ASTN2: variants seen among roughly 807,000 people sequenced by gnomAD.
ASTN2 encodes the protein astrotactin 2.
Under a neutral mutation model 139.8 loss-of-function variants are expected in ASTN2, and 54 were observed. The ratio of observed to expected loss-of-function variants is 0.39; its 90% CI spans 0.31 to 0.48. ASTN2 has a LOEUF of 0.48. Ranked by LOEUF, ASTN2 falls within the 20% of genes least tolerant of loss-of-function variation. ASTN2 has a pLI of 0.95. For synonymous variants in ASTN2, 756 were observed against 719.5 expected (o/e 1.05, Z -0.81); for missense variants, 1,565 against 1,725.1 (o/e 0.91, Z 1.64).
chr9:117,346,616 C>A (rs967897915), intron 1 of ASTN2, among the ~76,000 whole-genome samples: 3 of 152,104 alleles, frequency 2.0e-5, no homozygotes, highest in African/African-American at 7.2e-5. Flanking sequence ...CATCGTTTAG[C>A]AGAAATAAGC....
intron 2 of ASTN2, among the ~76,000 whole-genome samples, chr9:117,262,421 T>TTTA: frequency 7.1e-6 from 1 of 140,594 alleles, no homozygotes; most frequent in East Asian, 2.1e-4. Flanking sequence ...TTATTTATTT[T>TTTA]TTATCTCCTT....
chr9:116,905,263 G>A (rs567739210), intron 10 of ASTN2, among the ~76,000 whole-genome samples: 1 of 152,236 alleles, frequency 6.6e-6, no homozygotes, highest in African/African-American at 2.4e-5. Context: ...ATGCTGCCAG[G>A]AGCCACCAGC....
chr9:116,633,957 T>C (rs1297531095), intron 17 of ASTN2, among the ~76,000 whole-genome samples: 1 of 152,160 alleles, frequency 6.6e-6, no homozygotes, highest in East Asian at 1.9e-4. Context: ...CTGAAAAGTC[T>C]AGATCATTTA....
chr9:116,663,989 A>G (rs1191592002), intron 16 of ASTN2, among the ~76,000 whole-genome samples: 2 of 152,164 alleles, frequency 1.3e-5, no homozygotes, highest in Non-Finnish European at 2.9e-5. Context: ...AAGTTCAGGC[A>G]GTTATAAATT....
intron 16 of ASTN2, among the ~76,000 whole-genome samples, chr9:116,695,530 G>C (rs1588211585): frequency 6.6e-6 from 1 of 152,228 alleles, no homozygotes; most frequent in Non-Finnish European, 1.5e-5. Context: ...CCTGGAGAAA[G>C]AGTTGATGTC....
intron 13 of ASTN2, among the ~76,000 whole-genome samples, chr9:116,734,563 T>TGGAGAGGAGGAGGAGA (rs1391758307): frequency 6.6e-6 from 1 of 150,556 alleles, no homozygotes; most frequent in Non-Finnish European, 1.5e-5. Context: ...AATTATAGTC[T>TGGAGAGGAGGAGGAGA]GGAGAGGAGG....
chr9:117,264,461 T>C (rs748993631), intron 2 of ASTN2, among the ~76,000 whole-genome samples: 3 of 152,192 alleles, frequency 2.0e-5, no homozygotes, highest in Non-Finnish European at 4.4e-5. Context: ...ACCACTGTTA[T>C]AGAAATAAAT....
chr9:116,505,945 G>A (rs943943561), intron 19 of ASTN2, among the ~76,000 whole-genome samples: 1 of 152,106 alleles, frequency 6.6e-6, no homozygotes, highest in African/African-American at 2.4e-5. Flanking sequence ...CCCTCAAAGA[G>A]GTTTGTCCTG....
At chr9:116,918,964 A>G (rs1834526069) in intron 10 of ASTN2, among the ~76,000 whole-genome samples, 1 of 152,092 alleles carries the variant, frequency 6.6e-6, no homozygotes, top group African/African-American at 2.4e-5. Flanking sequence ...ATAAATAAAA[A>G]CCACAAATTT....
chr9:117,388,216 GC>G (rs1830450803), intron 1 of ASTN2, among the ~76,000 whole-genome samples: 1 of 152,184 alleles, frequency 6.6e-6, no homozygotes, highest in South Asian at 2.1e-4. Flanking sequence ...CACATGTCTT[GC>G]TTTTTCTACC....
chr9:117,128,883 C>G (rs897974598), intron 4 of ASTN2, among the ~76,000 whole-genome samples: 2 of 152,320 alleles, frequency 1.3e-5, no homozygotes, highest in Admixed American at 1.3e-4. Flanking sequence ...GAGGAAGATG[C>G]AAAAGCGGAA....
chr9:116,542,611 T>A (rs7024521), intron 19 of ASTN2, among the ~76,000 whole-genome samples: 1,867 of 152,284 alleles, frequency 0.012, 33 homozygotes, highest in African/African-American at 0.043. Flanking sequence ...GTCCCATCCA[T>A]CAAAATGTTG....
chr9:116,673,603 C>T (rs565228029), intron 16 of ASTN2, among the ~76,000 whole-genome samples: 1 of 152,020 alleles, frequency 6.6e-6, no homozygotes, highest in African/African-American at 2.4e-5. Flanking sequence ...GATGGCTTTA[C>T]AAGAATGCGT....
Position 117,171,081 on chromosome 9 carries a change from T to C in ASTN2, c.1016-29603A>G, listed in dbSNP as rs1251297865. On this transcript the variant is annotated intron_variant, in intron 3 of 22. Coordinates refer to ENST00000313400, the MANE Select transcript of ASTN2 (RefSeq NM_001365068.1). ...GATGAGAGCTCTCAGCGACATCCCA[T>C]AGAATTTGGACTAACTTCTCAGGAT... 6.6e-5 allele frequency among the ~76,000 whole-genome samples: 10 copies of C among 152,172 alleles called. No homozygotes were observed. The South Asian group carries it at 1.2e-3, about 19-fold the overall frequency.
chr9:116,482,345 C>CA (rs970492051), intron 20 of ASTN2, among the ~76,000 whole-genome samples: 6 of 151,762 alleles, frequency 4.0e-5, no homozygotes, highest in Non-Finnish European at 5.9e-5. Context: ...CAAAACAAAA[C>CA]AAAAAAACAC....
At chr9:116,650,097 C>G (rs561189000) in intron 17 of ASTN2, among the ~76,000 whole-genome samples, 16 of 152,076 alleles carry the variant, frequency 1.1e-4, no homozygotes, top group South Asian at 2.1e-4. Context: ...GGGAGGGGCA[C>G]GGGATTCATA....
intron 6 of ASTN2, among the ~76,000 whole-genome samples, chr9:117,030,266 C>A (rs1337584472): frequency 6.6e-6 from 1 of 152,164 alleles, no homozygotes; most frequent in South Asian, 2.1e-4. Flanking sequence ...CATCAAAGCT[C>A]CCACCCAGCA....
chr9:116,624,565 T>TA (rs1856344718), intron 17 of ASTN2, among the ~76,000 whole-genome samples: 1 of 152,160 alleles, frequency 6.6e-6, no homozygotes, highest in African/African-American at 2.4e-5. Flanking sequence ...AAACTTTAGG[T>TA]AAACACCCTC....
At chr9:116,653,663 G>A (rs189519499) in intron 16 of ASTN2, among the ~76,000 whole-genome samples, 30 of 152,296 alleles carry the variant, frequency 2.0e-4, no homozygotes, top group Non-Finnish European at 2.6e-4. Context: ...CCCTGATGTC[G>A]GGGAGAAAAA....
Sources: gnomAD v4.1 joint callset for allele counts (sites outside exome capture counted in the v4.1 genomes callset) on GRCh38, gnomAD v4.1.1 for gene constraint, MANE v1.5 for transcripts, NCBI Gene and HGNC (gene_info 2026-07-23, HGNC 2026-07-21) for gene names.